Variants in DNAH6 observed in about 807,000 individuals in gnomAD.
DNAH6 encodes the protein dynein axonemal heavy chain 6.
Under a neutral mutation model 491.4 loss-of-function variants are expected in DNAH6, and 340 were observed. The ratio of observed to expected loss-of-function variants is 0.69; its 90% CI spans 0.63 to 0.76. DNAH6 has a LOEUF of 0.76. Ranked by LOEUF, DNAH6 falls within the 30% of genes least tolerant of loss-of-function variation. The probability of loss-of-function intolerance (pLI) is 0.00; values close to 1 mark genes in which losing one functional copy is unlikely to be tolerated. For missense variants in DNAH6, 4,443 were observed against 4,972.2 expected, an observed-to-expected ratio of 0.89 and a Z score of 3.20; for synonymous variants, 1,603 against 1,686.1, an observed-to-expected ratio of 0.95 and a Z score of 1.21.
intron 67 of DNAH6, among the ~76,000 whole-genome samples, chr2:84,786,916 T>C (rs1235573942): frequency 1.3e-5 from 2 of 152,202 alleles, no homozygotes; most frequent in Non-Finnish European, 2.9e-5. Context: ...AATGTTCTTT[T>C]GACAGGTCTT....
At chr2:84,774,082 T>C (rs2105190000) in intron 64 of DNAH6, among the ~76,000 whole-genome samples, 1 of 152,208 alleles carries the variant, frequency 6.6e-6, no homozygotes, top group South Asian at 2.1e-4. Flanking sequence ...GTCCCATATA[T>C]CAATTTTTGG....
intron 38 of DNAH6, 31 bp from the exon 39 acceptor site, chr2:84,670,297 T>G (rs1274038139): frequency 3.6e-6 from 5 of 1,403,932 alleles, no homozygotes; most frequent in Non-Finnish European, 3.9e-6. Flanking sequence ...GTTATATTCA[T>G]GTGACATTAA....
intron 18 of DNAH6, among the ~76,000 whole-genome samples, chr2:84,598,127 T>TTTTCTTTCTTTCTTTCTTTCTTTC (rs56356355): frequency 0.011 from 1,193 of 109,384 alleles, 31 homozygotes; most frequent in Admixed American, 0.019. Context: ...TCTATCTTTC[T>TTTTCTTTCTTTCTTTCTTTCTTTC]TTTCTTTCTT....
At chr2:84,513,458 CT>C (rs1675410585), upstream of DNAH6, among the ~76,000 whole-genome samples, 1 of 152,086 alleles carries the variant, frequency 6.6e-6, no homozygotes, top group East Asian at 1.9e-4. Flanking sequence ...GAAGGATGGA[CT>C]TTTAGAGTTC....
chr2:84,664,497 CAAAG>C (rs1286790993), intron 37 of DNAH6, among the ~76,000 whole-genome samples: 3 of 152,070 alleles, frequency 2.0e-5, no homozygotes, highest in South Asian at 2.1e-4. Flanking sequence ...TCAAAAGAGA[CAAAG>C]AAGCCCATTA....
intron 3 of DNAH6, 69 bp downstream of exon 3, chr2:84,525,807 T>C (rs1233324804): frequency 5.3e-6 from 6 of 1,125,552 alleles, no homozygotes; most frequent in Non-Finnish European, 7.5e-6. Context: ...GCTAGCATAC[T>C]TTTAACTCAT....
intron 33 of DNAH6, among the ~76,000 whole-genome samples, chr2:84,644,553 G>A (rs903464633): frequency 1.3e-5 from 2 of 151,982 alleles, no homozygotes; most frequent in Admixed American, 1.3e-4. Context: ...ATTCAGCCCA[G>A]CATCCACTAG....
chr2:84,741,429 G>A (rs1672518164), intron 62 of DNAH6, among the ~76,000 whole-genome samples: 3 of 152,086 alleles, frequency 2.0e-5, no homozygotes, highest in Non-Finnish European at 1.5e-5. Flanking sequence ...TGGTCTCCCT[G>A]TTCTTCCTTA....
intron 52 of DNAH6, among the ~76,000 whole-genome samples, chr2:84,706,017 A>C (rs1454872902): frequency 6.6e-6 from 1 of 152,218 alleles, no homozygotes; most frequent in African/African-American, 2.4e-5. Context: ...GGTACTTTTT[A>C]GCTCAACCAT....
chr2:84,673,608 C>G (rs1692950765), intron 40 of DNAH6, among the ~76,000 whole-genome samples: 1 of 152,228 alleles, frequency 6.6e-6, no homozygotes, highest in South Asian at 2.1e-4. Flanking sequence ...AATAGGCTGT[C>G]TGCAGGCTGA....
chr2:84,694,626 T>A, intron 46 of DNAH6, 146 bp downstream of exon 46: 1 of 609,854 alleles, frequency 1.6e-6, no homozygotes, highest in Non-Finnish European at 2.9e-6. Flanking sequence ...AAGACTTTTA[T>A]AATACATTTT....
At chr2:84,497,533 A>G in the DNAH6 span, among the ~76,000 whole-genome samples, 2 of 152,192 alleles carry the variant, frequency 1.3e-5, no homozygotes, top group East Asian at 3.9e-4. Context: ...CTGACTGTGT[A>G]GCCTTGGAAG....
At chr2:84,801,149 T>C (rs1306106541) in intron 70 of DNAH6, among the ~76,000 whole-genome samples, 1 of 144,666 alleles carries the variant, frequency 6.9e-6, no homozygotes, top group Non-Finnish European at 1.5e-5. Context: ...TAATGCTAGA[T>C]GACGAGTTAG....
At chr2:84,485,486 C>A in the DNAH6 span, among the ~76,000 whole-genome samples, 1 of 152,144 alleles carries the variant, frequency 6.6e-6, no homozygotes, top group Admixed American at 6.5e-5. Flanking sequence ...TTTGCACCAT[C>A]ATCTGGACTC....
intron 10 of DNAH6, among the ~76,000 whole-genome samples, chr2:84,555,709 C>T (rs549419662): frequency 2.0e-5 from 3 of 152,274 alleles, no homozygotes; most frequent in East Asian, 3.9e-4. Context: ...TCGATTTCTT[C>T]GAAAACTTGC....
At position 84,573,478 on chromosome 2, in the gene DNAH6, G is replaced by C. The variant is rs753124833; in HGVS notation, c.1815G>C (p.Gln605His). 5.1e-6 allele frequency: 8 copies of C among 1,581,056 alleles called. No individual in the cohort carries two copies. The South Asian group carries it at 8.3e-5, about 16-fold the overall frequency. Residue 605 changes from glutamine to histidine, a missense_variant, in exon 12 of 77, where the codon CAG (glutamine) becomes CAC (histidine). Transcript: ENST00000389394. Reference protein sequence around the residue: ...TIISQIKETIQAAFESARIYA... With the variant: ...TIISQIKETIHAAFESARIYA... ...TTTATAACATTTAGGAAACCATTCAGGCCGCATTTGAATCAGCCCGCATCT... is the reference window on the plus strand; with the variant it reads ...TTTATAACATTTAGGAAACCATTCACGCCGCATTTGAATCAGCCCGCATCT...
At chr2:84,558,522 T>C (rs577701496) in intron 11 of DNAH6, among the ~76,000 whole-genome samples, 2 of 152,186 alleles carry the variant, frequency 1.3e-5, no homozygotes, top group East Asian at 3.9e-4. Context: ...GAAGTAATCC[T>C]GGCTGTTGAG....
intron 9 of DNAH6, among the ~76,000 whole-genome samples, chr2:84,551,714 A>T (rs571176290): frequency 6.6e-6 from 1 of 152,282 alleles, no homozygotes; most frequent in East Asian, 1.9e-4. Flanking sequence ...ACTGACGTAT[A>T]CTCTCCAGAA....
chr2:84,708,625 TAGA>T (rs944154787), intron 54 of DNAH6, among the ~76,000 whole-genome samples: 3 of 134,954 alleles, frequency 2.2e-5, no homozygotes, highest in African/African-American at 5.5e-5. Context: ...GAGAGGGAGA[TAGA>T]GGAGAGGAAG....
Sources: allele counts gnomAD v4.1 joint callset (sites outside exome capture counted in the v4.1 genomes callset), GRCh38; gene constraint gnomAD v4.1.1; transcripts MANE v1.5; gene names NCBI Gene and HGNC (gene_info 2026-07-23, HGNC 2026-07-21).